The following NOS1AP variants were observed in gnomAD, a reference collection of about 807,000 sequenced individuals.
The protein encoded by NOS1AP is carboxyl-terminal PDZ ligand of neuronal nitric oxide synthase protein.
NOS1AP carries 21 observed loss-of-function variants against 56.2 expected under a neutral mutation model. That is an observed-to-expected ratio of 0.37 (90% CI 0.26 to 0.54). The LOEUF is 0.54. NOS1AP is among the 20% of genes least tolerant of loss of function. The pLI is 0.84. For synonymous variants in NOS1AP, 270 were observed against 274.6 expected, an observed-to-expected ratio of 0.98 and a Z score of 0.17; for missense variants, 522 against 657.8, an observed-to-expected ratio of 0.79 and a Z score of 2.26.
At chr1:162,324,316 G>A (rs1035770243) in intron 4 of NOS1AP, among the ~76,000 whole-genome samples, 5 of 151,804 alleles carry the variant, frequency 3.3e-5, no homozygotes, top group African/African-American at 1.2e-4. Context: ...CCAATAGCAG[G>A]TGATGGTTAT....
chr1:162,364,100 C>T, intron 8 of NOS1AP: 2 of 985,390 alleles, frequency 2.0e-6, no homozygotes, highest in Non-Finnish European at 2.4e-6. Context: ...CTGCCCTTTA[C>T]TCCCTAAAAA....
intron 1 of NOS1AP, among the ~76,000 whole-genome samples, chr1:162,100,036 T>C (rs1268626866): frequency 6.6e-6 from 1 of 152,172 alleles, no homozygotes; most frequent in Non-Finnish European, 1.5e-5. Context: ...CTATCATTGT[T>C]GGACATTTGG....
At chr1:162,087,148 A>C (rs1250855371) in intron 1 of NOS1AP, among the ~76,000 whole-genome samples, 1 of 152,166 alleles carries the variant, frequency 6.6e-6, no homozygotes, top group East Asian at 1.9e-4. Flanking sequence ...TGAATTCAGC[A>C]AGAGTTTGGT....
chr1:162,246,880 T>C (rs1306957093), intron 2 of NOS1AP, among the ~76,000 whole-genome samples: 2 of 152,092 alleles, frequency 1.3e-5, no homozygotes, highest in Non-Finnish European at 2.9e-5. Context: ...AGAGAAGTTG[T>C]TGTTGAGAAG....
At chr1:162,341,561 G>T (rs1420021120) in intron 5 of NOS1AP, among the ~76,000 whole-genome samples, 1 of 152,160 alleles carries the variant, frequency 6.6e-6, no homozygotes, top group Non-Finnish European at 1.5e-5. Flanking sequence ...ATACCTGGGG[G>T]AGCAAAATTC....
chr1:162,236,583 C>A lies in NOS1AP; in HGVS notation c.178-50761C>A, dbSNP rs146338863. On this transcript the variant is annotated intron_variant, in intron 2 of 9. Transcript: ENST00000361897. ...TCTGTTAAGCCATGAGGAAGCAGGG[C>A]AAGTCATCCCTCTAGTCCCCTCTCT... is the stretch of plus-strand genomic sequence containing the variant. 3.1e-3 allele frequency among the ~76,000 whole-genome samples: 465 copies of A among 152,290 alleles called. 2 individuals carry two copies. The highest frequency in any genetic ancestry group is 0.01 in the African/African-American group (435 of 41,558).
chr1:162,083,288 G>A (rs1691931669), intron 1 of NOS1AP, among the ~76,000 whole-genome samples: 1 of 152,134 alleles, frequency 6.6e-6, no homozygotes, highest in South Asian at 2.1e-4. Flanking sequence ...GCATTTTATT[G>A]TTCTGCGGAG....
At chr1:162,354,555 A>ATCTCTCTCCTCCTCCCCG (rs1271464362) in intron 6 of NOS1AP, among the ~76,000 whole-genome samples, 1 of 152,020 alleles carries the variant, frequency 6.6e-6, no homozygotes, top group African/African-American at 2.4e-5. Context: ...CAGCCACCCC[A>ATCTCTCTCCTCCTCCCCG]TCTCTCTCCT....
intron 1 of NOS1AP, among the ~76,000 whole-genome samples, chr1:162,103,714 G>C (rs1647394541): frequency 6.6e-6 from 1 of 152,064 alleles, no homozygotes; most frequent in African/African-American, 2.4e-5. Context: ...GATCTTTGTT[G>C]CTTTAAAGTC....
chr1:162,316,914 C>T, intron 4 of NOS1AP: 1 of 166,280 alleles, frequency 6.0e-6, no homozygotes, highest in Non-Finnish European at 1.3e-5. Context: ...TGTATATGTG[C>T]AGGTCACTGG....
chr1:162,120,343 G>A (rs570225852), intron 1 of NOS1AP, among the ~76,000 whole-genome samples: 70 of 152,260 alleles, frequency 4.6e-4, no homozygotes, highest in Non-Finnish European at 9.4e-4. Context: ...GTGGCCAAAT[G>A]ATAAAAATTT....
At chr1:162,275,690 G>T (rs914308388) in intron 2 of NOS1AP, among the ~76,000 whole-genome samples, 1 of 152,140 alleles carries the variant, frequency 6.6e-6, no homozygotes. Flanking sequence ...TTTGCAGTTT[G>T]TAGTGGGGGC....
intron 2 of NOS1AP, among the ~76,000 whole-genome samples, chr1:162,280,353 A>T (rs1557861385): frequency 6.6e-6 from 1 of 152,232 alleles, no homozygotes; most frequent in South Asian, 2.1e-4. Flanking sequence ...AGCTATACTT[A>T]AAAAATAGTA....
rs547991818 is a variant in NOS1AP at position 162,340,940 on chromosome 1, T to C, written c.454-2895T>C. ...TGCACATGTTTGTCCTTGATAAAGGTGGCAGAATAGAGATTTGAGCTGGAG... is the reference window on the plus strand; with the variant it reads ...TGCACATGTTTGTCCTTGATAAAGGCGGCAGAATAGAGATTTGAGCTGGAG... On this transcript the variant is annotated intron_variant, in intron 5 of 9. Coordinates refer to ENST00000361897, the MANE Select transcript of NOS1AP (RefSeq NM_014697.3). 2.0e-5 allele frequency among the ~76,000 whole-genome samples: 3 copies of C among 152,310 alleles called. No homozygotes were observed. The East Asian group carries it at 5.8e-4, about 29-fold the overall frequency.
intron 3 of NOS1AP, among the ~76,000 whole-genome samples, chr1:162,292,161 C>T (rs1050034707): frequency 6.6e-6 from 1 of 152,138 alleles, no homozygotes; most frequent in Non-Finnish European, 1.5e-5. Context: ...AGATATGAAC[C>T]CTTCCCTGCA....
intron 1 of NOS1AP, among the ~76,000 whole-genome samples, chr1:162,129,407 CAGACCAGT>C (rs1452999639): frequency 1.3e-5 from 2 of 152,162 alleles, no homozygotes; most frequent in Non-Finnish European, 2.9e-5. Flanking sequence ...CTATTCTGCT[CAGACCAGT>C]CCTGTCCCTG....
intron 2 of NOS1AP, among the ~76,000 whole-genome samples, chr1:162,261,510 G>GAAGGCA (rs1553200083): frequency 1.7e-4 from 2 of 12,086 alleles, no homozygotes; most frequent in Non-Finnish European, 5.1e-4. Flanking sequence ...GAGAGAGAGA[G>GAAGGCA]AGAGAGAGAG....
At chr1:162,243,478 A>G (rs1434691836) in intron 2 of NOS1AP, among the ~76,000 whole-genome samples, 2 of 152,172 alleles carry the variant, frequency 1.3e-5, no homozygotes, top group Non-Finnish European at 2.9e-5. Flanking sequence ...ATGTGTTTCA[A>G]CTATGGCCCT....
chr1:162,299,028 T>C (rs1372951394), intron 3 of NOS1AP, among the ~76,000 whole-genome samples: 1 of 152,278 alleles, frequency 6.6e-6, no homozygotes, highest in Non-Finnish European at 1.5e-5. Flanking sequence ...GATTTTGCCC[T>C]GAGATCAAAC....
Sources: allele counts gnomAD v4.1 joint callset (sites outside exome capture counted in the v4.1 genomes callset), GRCh38; gene constraint gnomAD v4.1.1; transcripts MANE v1.5; gene names NCBI Gene and HGNC (gene_info 2026-07-23, HGNC 2026-07-21).